LARGE1: variants seen among roughly 807,000 people sequenced by gnomAD.
The protein encoded by LARGE1 is LARGE xylosyl- and glucuronyltransferase 1, also known as xylosyl- and glucuronyltransferase LARGE1.
A neutral mutation model predicts 87.6 loss-of-function variants in LARGE1; 43 were observed. The ratio of observed to expected loss-of-function variants is 0.49; its 90% CI spans 0.38 to 0.63. The LOEUF is 0.63. Ranked by LOEUF, LARGE1 falls within the 30% of genes least tolerant of loss-of-function variation. The pLI is 0.00. For synonymous variants in LARGE1, 434 were observed against 394.6 expected (o/e 1.10, Z -1.18); for missense variants, 802 against 1,000.2 (o/e 0.80, Z 2.67).
the LARGE1 span, among the ~76,000 whole-genome samples, chr22:33,120,358 TTTTCTTTCTTTCTTTCTTTC>T: frequency 3.5e-4 from 41 of 118,686 alleles, no homozygotes; most frequent in African/African-American, 1.2e-3. Context: ...TTTTCTTTCT[TTTTCTTTCTTTCTTTCTTTC>T]TTTCTTTCTT....
intron 7 of LARGE1, among the ~76,000 whole-genome samples, chr22:33,415,953 C>T (rs750216401): frequency 6.6e-6 from 1 of 152,176 alleles, no homozygotes; most frequent in African/African-American, 2.4e-5. Flanking sequence ...TTCCCAGCCT[C>T]GACATGACAG....
At chr22:33,362,378 G>C (rs1382174436) in intron 9 of LARGE1, among the ~76,000 whole-genome samples, 2 of 149,726 alleles carry the variant, frequency 1.3e-5, no homozygotes, top group Non-Finnish European at 3.0e-5. Context: ...TCCTTCAGTT[G>C]GTAAGAAGCA....
chr22:33,403,545 C>G (rs1008930376), intron 7 of LARGE1, among the ~76,000 whole-genome samples: 2 of 152,068 alleles, frequency 1.3e-5, no homozygotes, highest in African/African-American at 4.8e-5. Context: ...GGTCTGAGGC[C>G]TAGGTTAATT....
intron 9 of LARGE1, among the ~76,000 whole-genome samples, chr22:33,380,398 C>T (rs1407342601): frequency 3.3e-5 from 5 of 152,138 alleles, no homozygotes; most frequent in Non-Finnish European, 5.9e-5. Flanking sequence ...AAAAAAAGTT[C>T]TTTCTTTCTA....
At chr22:33,112,731 T>G in the LARGE1 span, among the ~76,000 whole-genome samples, 3 of 152,152 alleles carry the variant, frequency 2.0e-5, no homozygotes, top group African/African-American at 7.2e-5. Flanking sequence ...TGTGTCCAAA[T>G]GGTGAACAGG....
downstream of LARGE1, among the ~76,000 whole-genome samples, chr22:33,268,521 G>A (rs375460844): frequency 1.3e-5 from 2 of 148,648 alleles, no homozygotes; most frequent in Non-Finnish European, 3.0e-5. Context: ...TCCGTCCCCC[G>A]GGTTCTCACC....
At chr22:33,153,817 T>C in the LARGE1 span, among the ~76,000 whole-genome samples, 2 of 152,242 alleles carry the variant, frequency 1.3e-5, 1 homozygote, top group South Asian at 4.1e-4. Flanking sequence ...TTTGGGTTTC[T>C]CTCTCTGTGA....
intron 7 of LARGE1, among the ~76,000 whole-genome samples, chr22:33,412,145 G>T (rs1318640066): frequency 2.0e-5 from 3 of 152,106 alleles, no homozygotes; most frequent in Non-Finnish European, 4.4e-5. Context: ...TTAGCCAGGC[G>T]TGGTGGCACG....
the LARGE1 span, among the ~76,000 whole-genome samples, chr22:33,142,952 T>C: frequency 6.6e-6 from 1 of 152,184 alleles, no homozygotes; most frequent in South Asian, 2.1e-4. Context: ...AGGAAAATGT[T>C]TGGGCTCTAA....
the LARGE1 span, among the ~76,000 whole-genome samples, chr22:33,107,751 C>T: frequency 1.3e-5 from 2 of 152,088 alleles, no homozygotes; most frequent in African/African-American, 4.8e-5. Flanking sequence ...ACCAGTTGAC[C>T]TAGCTACTAG....
At chr22:33,741,779 G>A (rs2083891471) in intron 2 of LARGE1, among the ~76,000 whole-genome samples, 1 of 152,196 alleles carries the variant, frequency 6.6e-6, no homozygotes, top group South Asian at 2.1e-4. Context: ...AAAGAGCTCT[G>A]TCCTGCAATC....
chr22:33,690,447 G>C (rs565277072), intron 2 of LARGE1, among the ~76,000 whole-genome samples: 4 of 152,180 alleles, frequency 2.6e-5, no homozygotes, highest in African/African-American at 9.6e-5. Context: ...CCAGAAATAG[G>C]TATCTACATC....
chr22:33,432,392 T>G (rs2067109779), intron 6 of LARGE1, 127 bp from the exon 7 acceptor site: 8 of 738,100 alleles, frequency 1.1e-5, no homozygotes, highest in Non-Finnish European at 1.7e-5. Context: ...AGAGGTTTTA[T>G]GAAGTGCCAG....
chr22:33,900,658 T>A (rs2065258442), intron 1 of LARGE1, among the ~76,000 whole-genome samples: 1 of 152,216 alleles, frequency 6.6e-6, no homozygotes, highest in African/African-American at 2.4e-5. Context: ...CCTCAAATTG[T>A]GACCTTCATT....
chr22:33,871,982 C>CAAAAAAAA (rs58105742), intron 1 of LARGE1, among the ~76,000 whole-genome samples: 1,331 of 86,144 alleles, frequency 0.015, 31 homozygotes, highest in South Asian at 0.029. Flanking sequence ...TCTAAATCAG[C>CAAAAAAAA]AAAAAAAAAA....
chr22:33,590,215 TTTA>T (rs2078796101), intron 5 of LARGE1, among the ~76,000 whole-genome samples: 1 of 152,246 alleles, frequency 6.6e-6, no homozygotes, highest in African/African-American at 2.4e-5. Context: ...AACTTACCAA[TTTA>T]AAATTATTAG....
Position 33,250,819 on chromosome 22 carries a change from T to C in LARGE1, c.1730+53410A>G, listed in dbSNP as rs139136731. 4.5e-3 allele frequency among the ~76,000 whole-genome samples: 679 copies of C among 152,332 alleles called. 5 individuals carry two copies. The highest frequency in any genetic ancestry group is 0.015 in the African/African-American group (639 of 41,578). ...TGGATTACATTAATTGATTTCAAAT[T>C]GAATCAGCCTTGCACGGCTGGGATA... On this transcript the variant is annotated intron_variant, in intron 11 of 11. Transcript: ENST00000608642.
chr22:33,100,202 G>T, the LARGE1 span, among the ~76,000 whole-genome samples: 2 of 151,774 alleles, frequency 1.3e-5, no homozygotes, highest in Admixed American at 1.3e-4. Flanking sequence ...ACAAAAATTA[G>T]CCAGGCATGG....
intron 1 of LARGE1, among the ~76,000 whole-genome samples, chr22:33,775,084 T>C (rs1029521796): frequency 6.6e-6 from 1 of 152,190 alleles, no homozygotes; most frequent in East Asian, 1.9e-4. Flanking sequence ...GATACCCAGG[T>C]ACCATACTGA....
Sources: gnomAD v4.1 joint callset for allele counts (sites outside exome capture counted in the v4.1 genomes callset) on GRCh38, gnomAD v4.1.1 for gene constraint, MANE v1.5 for transcripts, NCBI Gene and HGNC (gene_info 2026-07-23, HGNC 2026-07-21) for gene names.